EDIL3: variants seen among roughly 807,000 people sequenced by gnomAD.
EDIL3 encodes the protein EGF-like repeat and discoidin I-like domain-containing protein 3.
In EDIL3, 37 loss-of-function variants were observed where a neutral mutation model predicts 67.4. The ratio of observed to expected loss-of-function variants is 0.55; its 90% CI spans 0.42 to 0.72. EDIL3 has a LOEUF of 0.72. Among genes scored for constraint, EDIL3 ranks in the 30% least tolerant of loss-of-function variants. The probability of loss-of-function intolerance (pLI) is 0.00; values close to 1 mark genes in which losing one functional copy is unlikely to be tolerated. For missense variants in EDIL3, 527 were observed against 586.3 expected (o/e 0.90, Z 1.04); for synonymous variants, 195 against 196.3 (o/e 0.99, Z 0.05).
At chr5:83,944,741 C>T (rs189174377) in intron 10 of EDIL3, among the ~76,000 whole-genome samples, 5 of 151,958 alleles carry the variant, frequency 3.3e-5, no homozygotes, top group African/African-American at 7.2e-5. Context: ...ATCTCTTCAA[C>T]GCTTTCTGTT....
chr5:84,361,396 T>C (rs1747595162), intron 1 of EDIL3, among the ~76,000 whole-genome samples: 1 of 152,046 alleles, frequency 6.6e-6, no homozygotes, highest in Non-Finnish European at 1.5e-5. Context: ...GGAATAACTA[T>C]AACTATCAAT....
At position 84,363,746 on chromosome 5, in the gene EDIL3, A is replaced by G. The variant is rs145351353; in HGVS notation, c.67+20562T>C. Among the ~76,000 whole-genome samples, 217 of 152,298 alleles carry G rather than the reference A, an allele frequency of 1.4e-3. 5 individuals are homozygous for G. Among genetic ancestry groups the G allele is most frequent in the Admixed American group, 0.012 (177 of 15,294 alleles). On this transcript the variant is annotated intron_variant, in intron 1 of 10. Transcript: ENST00000296591. ...ATTTTTTCATGATGGTGAGTGACTAATTTAACTTCTTGACTGTATAAATTT... is the reference window on the plus strand; with the variant it reads ...ATTTTTTCATGATGGTGAGTGACTAGTTTAACTTCTTGACTGTATAAATTT...
chr5:84,257,059 T>C (rs1355322588), intron 1 of EDIL3, among the ~76,000 whole-genome samples: 1 of 152,212 alleles, frequency 6.6e-6, no homozygotes, highest in Non-Finnish European at 1.5e-5. Flanking sequence ...CTCTGTCCTA[T>C]AACCAAGTTC....
At chr5:84,119,079 T>C (rs1380481383) in intron 5 of EDIL3, among the ~76,000 whole-genome samples, 2 of 152,114 alleles carry the variant, frequency 1.3e-5, no homozygotes, top group Non-Finnish European at 2.9e-5. Flanking sequence ...TTTTACATTG[T>C]TGTTGTTTTA....
At chr5:84,209,712 G>T (rs2112388238) in intron 3 of EDIL3, among the ~76,000 whole-genome samples, 1 of 152,060 alleles carries the variant, frequency 6.6e-6, no homozygotes, top group African/African-American at 2.4e-5. Flanking sequence ...ATCAATAATG[G>T]GGTAGAAAAG....
chr5:84,057,705 A>G (rs1451846123), intron 9 of EDIL3, among the ~76,000 whole-genome samples: 1 of 152,164 alleles, frequency 6.6e-6, no homozygotes, highest in African/African-American at 2.4e-5. Flanking sequence ...AATATGTACC[A>G]GTTGGCCTCT....
intron 6 of EDIL3, among the ~76,000 whole-genome samples, chr5:84,067,668 G>A (rs1305730315): frequency 1.3e-5 from 2 of 152,174 alleles, no homozygotes; most frequent in Admixed American, 6.5e-5. Flanking sequence ...GACTTTGAGA[G>A]TTAGCATTTG....
chr5:84,235,100 TGA>T (rs1744654879), intron 2 of EDIL3, among the ~76,000 whole-genome samples: 1 of 152,156 alleles, frequency 6.6e-6, no homozygotes, highest in African/African-American at 2.4e-5. Flanking sequence ...ATAGAAGTAC[TGA>T]GAGAGAGGTT....
intron 5 of EDIL3, among the ~76,000 whole-genome samples, chr5:84,136,980 C>T (rs1219818926): frequency 6.6e-6 from 1 of 152,002 alleles, no homozygotes; most frequent in African/African-American, 2.4e-5. Context: ...TCACAAGATA[C>T]CATTTCTATG....
At chr5:84,100,827 T>C (rs1027517766) in intron 6 of EDIL3, among the ~76,000 whole-genome samples, 2 of 152,128 alleles carry the variant, frequency 1.3e-5, no homozygotes, top group African/African-American at 4.8e-5. Context: ...GTCTGAAAAA[T>C]TCAGCTCAAT....
chr5:84,198,212 G>C (rs1387725180), intron 3 of EDIL3, among the ~76,000 whole-genome samples: 1 of 151,482 alleles, frequency 6.6e-6, no homozygotes, highest in Non-Finnish European at 1.5e-5. Flanking sequence ...TTAATGCAAG[G>C]TTAGATGTTT....
chr5:84,228,235 G>T (rs1016001446), intron 3 of EDIL3, among the ~76,000 whole-genome samples: 4 of 152,026 alleles, frequency 2.6e-5, no homozygotes, highest in African/African-American at 9.7e-5. Flanking sequence ...AGAGAACTAA[G>T]AGACTAGGGG....
intron 1 of EDIL3, among the ~76,000 whole-genome samples, chr5:84,291,915 A>T (rs1439052695): frequency 4.6e-5 from 7 of 151,576 alleles, no homozygotes; most frequent in Non-Finnish European, 1.0e-4. Context: ...ACAGAGCATC[A>T]AATTATATTT....
At chr5:84,035,855 C>A (rs1206196297) in intron 9 of EDIL3, among the ~76,000 whole-genome samples, 1 of 152,130 alleles carries the variant, frequency 6.6e-6, no homozygotes, top group Non-Finnish European at 1.5e-5. Context: ...CTAAGTAAGT[C>A]TTCTAATTTA....
At chr5:84,296,174 T>A (rs1746048397) in intron 1 of EDIL3, among the ~76,000 whole-genome samples, 1 of 152,196 alleles carries the variant, frequency 6.6e-6, no homozygotes, top group Non-Finnish European at 1.5e-5. Flanking sequence ...CTTAGGTTGT[T>A]ACAGAAAAGT....
chr5:84,347,756 GT>G (rs1188443078), intron 1 of EDIL3, among the ~76,000 whole-genome samples: 10 of 152,160 alleles, frequency 6.6e-5, no homozygotes, highest in Non-Finnish European at 1.0e-4. Flanking sequence ...TATATCACTA[GT>G]TTTTGCCCTT....
chr5:84,318,738 T>C (rs988538627), intron 1 of EDIL3, among the ~76,000 whole-genome samples: 3 of 152,138 alleles, frequency 2.0e-5, no homozygotes, highest in Non-Finnish European at 2.9e-5. Context: ...ATTCAGGACA[T>C]AGGCATGGGC....
intron 4 of EDIL3, among the ~76,000 whole-genome samples, chr5:84,169,465 G>A (rs1426679361): frequency 6.6e-6 from 1 of 151,826 alleles, no homozygotes; most frequent in Non-Finnish European, 1.5e-5. Context: ...GTAGGTTTCT[G>A]TATGTGTCAT....
In EDIL3 at chr5:84,262,871, G is replaced by GTGT. The variant is rs544876939; in HGVS notation, c.68-8662_68-8660dup. Among the ~76,000 whole-genome samples, 3 of 151,634 alleles carry GTGT rather than the reference G, an allele frequency of 2.0e-5. No homozygotes were observed. In the East Asian group the frequency reaches 5.9e-4, roughly 30 times the overall value. ...AGTTTAGTAGATATGGGGTTTCACTGTGTTGTACAGACTGGTCTTGAATTC... is the reference window on the plus strand; with the variant it reads ...AGTTTAGTAGATATGGGGTTTCACTGTGTTGTTGTACAGACTGGTCTTGAATTC... On this transcript the variant is annotated intron_variant, in intron 1 of 10. Transcript: ENST00000296591.
Sources: gnomAD v4.1 joint callset for allele counts (sites outside exome capture counted in the v4.1 genomes callset) on GRCh38, gnomAD v4.1.1 for gene constraint, MANE v1.5 for transcripts, NCBI Gene and HGNC (gene_info 2026-07-23, HGNC 2026-07-21) for gene names.